The following ZNF280B variants were observed in gnomAD, a reference collection of about 807,000 sequenced individuals.
ZNF280B encodes the protein suppressor of hairy wing homolog 2.
Under a neutral mutation model 38.0 loss-of-function variants are expected in ZNF280B, and 16 were observed. That is an observed-to-expected ratio of 0.42 (90% CI 0.28 to 0.64). The LOEUF is 0.64. ZNF280B is among the 30% of genes least tolerant of loss of function. ZNF280B has a pLI of 0.21. For missense variants in ZNF280B, 581 were observed against 639.6 expected (o/e 0.91, Z 0.99); for synonymous variants, 253 against 230.6 (o/e 1.10, Z -0.88).
rs1349541507 is a variant in ZNF280B at position 22,486,167 on chromosome 22, T to C, written c.*1600A>G. ...CTGGGAAACTATACATTTAACAGAA[T>C]AGCTGCAAGCTGTAATACATTCATG... On this transcript the variant is annotated 3_prime_UTR_variant, in exon 4 of 4. Transcript: ENST00000626650. The C allele has an allele frequency of 6.6e-6, 1 of 152,020 alleles. No individual in the cohort carries two copies. Among genetic ancestry groups the C allele is most frequent in the African/African-American group, 2.4e-5 (1 of 41,410 alleles). The allele number at this position is 152,020 out of a possible 1,614,324, so 9.4% of individuals were successfully genotyped here. A position where few individuals can be genotyped will look rare whatever the true frequency, so the allele number is the denominator to read the frequency against.
Position 22,508,714 on chromosome 22 carries a change from GC to G in ZNF280B, c.-304del, listed in dbSNP as rs1389241513. Reference sequence around the variant, plus strand: ...CCGGCCACGCACCAGCCCCGGAGGCGCTCCCGGGGCACAGCCGGCGGCGACT... The same window carrying G: ...CCGGCCACGCACCAGCCCCGGAGGCGTCCCGGGGCACAGCCGGCGGCGACT... On this transcript the variant is annotated 5_prime_UTR_variant, in exon 1 of 4. Transcript: ENST00000626650. The G allele has an allele frequency of 6.6e-6, 1 of 151,888 alleles. No individual in the cohort carries two copies. The highest frequency in any genetic ancestry group is 1.5e-5 in the Non-Finnish European group (1 of 68,028). 9.4% of individuals were successfully genotyped at this position (151,888 alleles called of 1,614,324 possible).
chr22:22,495,214 G>T (rs955492198), intron 2 of ZNF280B, among the ~76,000 whole-genome samples: 1 of 151,884 alleles, frequency 6.6e-6, no homozygotes, highest in Non-Finnish European at 1.5e-5. Context: ...CAGACTTGAA[G>T]AAAATTGGCT....
intron 3 of ZNF280B, 57 bp from the exon 4 acceptor site, chr22:22,489,523 C>T (rs1381522538): frequency 1.2e-6 from 1 of 824,946 alleles, no homozygotes; most frequent in Middle Eastern, 2.5e-4. Context: ...ATTTAATTTT[C>T]CTCCAAAACA....
At chr22:22,506,670 A>G (rs1161782277) in intron 2 of ZNF280B, among the ~76,000 whole-genome samples, 4 of 151,892 alleles carry the variant, frequency 2.6e-5, no homozygotes, top group Non-Finnish European at 5.9e-5. Context: ...TATGTTTGCT[A>G]TATTAATGAT....
Position 22,504,426 on chromosome 22 carries a change from G to GAAA in ZNF280B, c.-187+3381_-187+3383dup, listed in dbSNP as rs1314633209. Among the ~76,000 whole-genome samples the GAAA allele has an allele frequency of 1.8e-3, 214 of 121,198 alleles. 4 individuals carry two copies. In the East Asian group the frequency reaches 0.036, roughly 21 times the overall value. 79.5% of individuals were successfully genotyped at this position (121,198 alleles called of 152,430 possible). A position where few individuals can be genotyped will look rare whatever the true frequency, so the allele number is the denominator to read the frequency against. ...TGGACAACACAGCAAGACTCCGTCT[G>GAAA]AAAAAAAAAAAAAACAAACAAACAA... is the stretch of plus-strand genomic sequence containing the variant. On this transcript the variant is annotated intron_variant, in intron 2 of 3. Coordinates refer to ENST00000626650, the MANE Select transcript of ZNF280B (RefSeq NM_080764.4).
At position 22,501,707 on chromosome 22, in the gene ZNF280B, T is replaced by C. The variant is rs916419389; in HGVS notation, c.-187+6103A>G. Among the ~76,000 whole-genome samples the C allele has an allele frequency of 2.0e-4, 31 of 151,556 alleles. 1 individual carries two copies. The highest frequency in any genetic ancestry group is 1.6e-3 in the Admixed American group (25 of 15,206). ...AGTCCAAGCAATGTAGTGAGACCCC[T>C]TCTCTACAAAAAATTTAAAAACACA... On this transcript the variant is annotated intron_variant, in intron 2 of 3. Transcript: ENST00000626650.
At chr22:22,504,143 C>T (rs9623700) in intron 2 of ZNF280B, among the ~76,000 whole-genome samples, 2,010 of 152,014 alleles carry the variant, frequency 0.013, 56 homozygotes, top group African/African-American at 0.046. Flanking sequence ...ATTAAAATAA[C>T]TTGTGCCAGG....
intron 2 of ZNF280B, among the ~76,000 whole-genome samples, chr22:22,505,720 T>C (rs973780489): frequency 4.8e-5 from 7 of 147,196 alleles, no homozygotes; most frequent in African/African-American, 1.5e-4. Context: ...GACTGCGCCA[T>C]TGCACTCCAG....
Position 22,489,143 on chromosome 22 carries a change from A to G in ZNF280B, c.256T>C (p.Leu86=). 1.2e-6 allele frequency: 2 copies of G among 1,613,758 alleles called. No homozygotes were observed. The highest frequency in any genetic ancestry group is 2.2e-5 in the South Asian group (2 of 91,050). The change falls in exon 4 of 4, where the codon TTG becomes CTG. Residue 86 remains leucine, a synonymous_variant. Transcript: ENST00000626650. ...ACGGTCTCATGACTTTTAGGCTGCA[A>G]TTTGCGAGCAGTATCTTTTCTAAGG... The part of the protein sequence containing the change: ...DHLRKDTARK[L]QPKSHETVTS...
intron 2 of ZNF280B, among the ~76,000 whole-genome samples, chr22:22,501,034 A>AC (rs2061810337): frequency 0.03 from 4,088 of 138,424 alleles, 134 homozygotes; most frequent in African/African-American, 0.08. Context: ...AAAAAAAAAA[A>AC]AAAAAAACAA....
chr22:22,502,796 T>C lies in ZNF280B; in HGVS notation c.-187+5014A>G, dbSNP rs1179707567. ...AAGAATGAAAGGAATATAGCAGGTT[T>C]GAAAAATGGCCCCCAAAATATCAGG... is the stretch of plus-strand genomic sequence containing the variant. On this transcript the variant is annotated intron_variant, in intron 2 of 3. Coordinates refer to ENST00000626650, the MANE Select transcript of ZNF280B (RefSeq NM_080764.4). Among the ~76,000 whole-genome samples, 4 of 152,068 alleles carry C rather than the reference T, an allele frequency of 2.6e-5. No homozygotes were observed. In the East Asian group the frequency reaches 7.8e-4, roughly 30 times the overall value.
intron 3 of ZNF280B, among the ~76,000 whole-genome samples, chr22:22,491,552 G>A (rs560786614): frequency 4.0e-5 from 6 of 149,796 alleles, no homozygotes; most frequent in South Asian, 2.1e-4. Flanking sequence ...TCTGCCTCCC[G>A]GGTTCAAGCA....
rs71199481 is a variant in ZNF280B, at chr22:22,487,447, TAAAA to T, written c.*316_*319del. 17 of 66,824 alleles carry T rather than the reference TAAAA, an allele frequency of 2.5e-4. No individual in the cohort carries two copies. The highest frequency in any genetic ancestry group is 3.7e-4 in the Non-Finnish European group (11 of 29,886). 4.1% of individuals were successfully genotyped at this position (66,824 alleles called of 1,614,324 possible). On this transcript the variant is annotated 3_prime_UTR_variant, in exon 4 of 4. Coordinates refer to ENST00000626650, the MANE Select transcript of ZNF280B (RefSeq NM_080764.4). Reference sequence around the variant, plus strand: ...TAACAGTGAGACCCTGTCTCTAAAGTAAAAAAAAAAAAAAAAAAAAAAAAAAAAA... The same window carrying T: ...TAACAGTGAGACCCTGTCTCTAAAGTAAAAAAAAAAAAAAAAAAAAAAAAA...
chr22:22,504,323 C>G (rs1375362423), intron 2 of ZNF280B, among the ~76,000 whole-genome samples: 1 of 151,502 alleles, frequency 6.6e-6, no homozygotes, highest in Non-Finnish European at 1.5e-5. Flanking sequence ...ATCCCAGCTA[C>G]TCAGGAGGCA....
chr22:22,491,339 TAAA>T (rs960429916), intron 3 of ZNF280B, among the ~76,000 whole-genome samples: 1 of 144,544 alleles, frequency 6.9e-6, no homozygotes, highest in African/African-American at 2.5e-5. Flanking sequence ...ACCAATAGTT[TAAA>T]AAAAAAAAAG....
At chr22:22,491,497 C>T (rs1478470766) in intron 3 of ZNF280B, among the ~76,000 whole-genome samples, 5 of 138,572 alleles carry the variant, frequency 3.6e-5, no homozygotes, top group East Asian at 4.2e-4. Context: ...CTAGCTCTGT[C>T]GCCCAGGCTG....
intron 2 of ZNF280B, among the ~76,000 whole-genome samples, chr22:22,504,426 G>GAAAAAA (rs1314633209): frequency 8.2e-5 from 10 of 121,222 alleles, no homozygotes; most frequent in African/African-American, 1.2e-4. Context: ...GACTCCGTCT[G>GAAAAAA]AAAAAAAAAA....
chr22:22,501,228 G>A (rs111872925), intron 2 of ZNF280B, among the ~76,000 whole-genome samples: 31 of 151,658 alleles, frequency 2.0e-4, no homozygotes, highest in African/African-American at 4.1e-4. Context: ...TGGTTAAGGT[G>A]GTAAATTATA....
At position 22,487,447 on chromosome 22, in the gene ZNF280B, TAAAAAAAAAAAAAAAAA is replaced by T. The variant is rs71199481; in HGVS notation, c.*303_*319del. The T allele has an allele frequency of 3.3e-4, 22 of 66,820 alleles. No homozygotes were observed. The highest frequency in any genetic ancestry group is 1.1e-3 in the East Asian group (3 of 2,644). The allele number at this position is 66,820 out of a possible 1,614,324, so 4.1% of individuals were successfully genotyped here. On this transcript the variant is annotated 3_prime_UTR_variant, in exon 4 of 4. Coordinates refer to ENST00000626650, the MANE Select transcript of ZNF280B (RefSeq NM_080764.4). ...TAACAGTGAGACCCTGTCTCTAAAG[TAAAAAAAAAAAAAAAAA>T]AAAAAAAAAAAATTAAAATTAAAAA...
Sources: gnomAD v4.1 joint callset for allele counts (sites outside exome capture counted in the v4.1 genomes callset) on GRCh38, gnomAD v4.1.1 for gene constraint, MANE v1.5 for transcripts, NCBI Gene and HGNC (gene_info 2026-07-23, HGNC 2026-07-21) for gene names.